SEMA7A: variants seen among roughly 807,000 people sequenced by gnomAD.
The protein encoded by SEMA7A is semaphorin 7A (JohnMiltonHagen blood group).
A neutral mutation model predicts 67.5 loss-of-function variants in SEMA7A; 21 were observed. That is an observed-to-expected ratio of 0.31 (90% CI 0.22 to 0.45). SEMA7A has a LOEUF of 0.45. Ranked by LOEUF, SEMA7A falls within the 20% of genes least tolerant of loss-of-function variation. The pLI is 1.00. For synonymous variants in SEMA7A, 364 were observed against 368.5 expected (o/e 0.99, Z 0.14); for missense variants, 774 against 908.6 (o/e 0.85, Z 1.90).
At chr15:74,416,115 C>T in intron 7 of SEMA7A, 130 bp from the exon 8 acceptor site, 2 of 946,988 alleles carry the variant, frequency 2.1e-6, no homozygotes, top group East Asian at 2.5e-5. Context: ...GGGGCCAGGA[C>T]CTGCCGGGGG....
At chr15:74,422,106 G>A (rs940618818) in intron 1 of SEMA7A, among the ~76,000 whole-genome samples, 6 of 152,028 alleles carry the variant, frequency 3.9e-5, no homozygotes, top group Admixed American at 6.6e-5. Flanking sequence ...GAATCGGGAA[G>A]GTGAGCTGAG....
At chr15:74,421,336 G>A (rs1187779544) in intron 1 of SEMA7A, among the ~76,000 whole-genome samples, 1 of 152,230 alleles carries the variant, frequency 6.6e-6, no homozygotes, top group Non-Finnish European at 1.5e-5. Context: ...GACATGAAGG[G>A]AGGGTGAGGG....
At chr15:74,417,302 G>A in intron 6 of SEMA7A, 33 bp downstream of exon 6, 3 of 1,554,424 alleles carry the variant, frequency 1.9e-6, no homozygotes, top group Non-Finnish European at 2.7e-6. Flanking sequence ...ACACCCCCTT[G>A]CCCACCCTCA....
intron 1 of SEMA7A, among the ~76,000 whole-genome samples, chr15:74,432,425 T>G (rs1185354656): frequency 6.6e-6 from 1 of 152,056 alleles, no homozygotes; most frequent in Admixed American, 6.6e-5. Flanking sequence ...AGCACCTCAT[T>G]CATGGTCCCT....
chr15:74,427,532 T>C (rs2061053364), intron 1 of SEMA7A, among the ~76,000 whole-genome samples: 1 of 152,210 alleles, frequency 6.6e-6, no homozygotes, highest in South Asian at 2.1e-4. Flanking sequence ...GGTTTCACCA[T>C]GTTGGCCAGG....
At chr15:74,427,858 G>C (rs911595784) in intron 1 of SEMA7A, among the ~76,000 whole-genome samples, 4 of 152,214 alleles carry the variant, frequency 2.6e-5, no homozygotes, top group Admixed American at 2.6e-4. Context: ...ACCTCTCCAG[G>C]AATGTGGGGG....
chr15:74,411,731 G>A lies in SEMA7A; in HGVS notation c.1423-21C>T, dbSNP rs190337982. On this transcript the variant is annotated intron_variant, in intron 11 of 13. Transcript: ENST00000261918. This position sits in a 1 kb window ranked among gnomAD's most constrained non-coding sequence, Gnocchi z 4.4. ...TTCCTCTGGAAGGACAGCAGGATTGGGTCAGGCCCGGGCCCCACCCCACAC... is the reference window on the plus strand; with the variant it reads ...TTCCTCTGGAAGGACAGCAGGATTGAGTCAGGCCCGGGCCCCACCCCACAC... 1.9e-3 allele frequency: 3,113 copies of A among 1,610,958 alleles called. 12 individuals carry two copies. Among genetic ancestry groups the A allele is most frequent in the Middle Eastern group, 4.3e-3 (26 of 6,058 alleles).
chr15:74,431,221 T>G (rs2061085887), intron 1 of SEMA7A, among the ~76,000 whole-genome samples: 1 of 152,106 alleles, frequency 6.6e-6, no homozygotes, highest in Non-Finnish European at 1.5e-5. Context: ...TGGGGGACAA[T>G]CCCTACAGCC....
rs578058509 is a variant in SEMA7A at position 74,412,675 on chromosome 15, T to A, written c.1295-663A>T. On this transcript the variant is annotated intron_variant, in intron 10 of 13. Transcript: ENST00000261918. ...ATGTTACCATCTTACATAACCACGG[T>A]ATATTTGTCACAACTAGGCAACTGA... Among the ~76,000 whole-genome samples, 3 of 152,206 alleles carry A rather than the reference T, an allele frequency of 2.0e-5. No individual in the cohort carries two copies. In the East Asian group the frequency reaches 5.8e-4, roughly 29 times the overall value.
intron 2 of SEMA7A, among the ~76,000 whole-genome samples, 200 bp downstream of exon 2, chr15:74,418,600 GT>G (rs2060972897): frequency 6.6e-6 from 1 of 152,188 alleles, no homozygotes; most frequent in South Asian, 2.1e-4. Context: ...ATTAGCTCCT[GT>G]TTTTCTCCAC....
intron 1 of SEMA7A, among the ~76,000 whole-genome samples, chr15:74,425,812 T>C (rs745781760): frequency 6.6e-6 from 1 of 152,228 alleles, no homozygotes. Flanking sequence ...AGTCGTCTCC[T>C]GGTGACTGCT....
Position 74,410,501 on chromosome 15 carries a change from G to T in SEMA7A, c.*123C>A. 7.1e-7 allele frequency: 1 copy of T among 1,406,762 alleles called. No homozygotes were observed. The highest frequency in any genetic ancestry group is 9.6e-7 in the Non-Finnish European group (1 of 1,039,754). The allele number at this position is 1,406,762 out of a possible 1,614,324, so 87.1% of individuals were successfully genotyped here. A position where few individuals can be genotyped will look rare whatever the true frequency, so the allele number is the denominator to read the frequency against. ...GTCTCCAGGCCTGGCATCCTCCACTGGGTTATTCTGTCCCCTGGAAGAAGT... is the reference window on the plus strand; with the variant it reads ...GTCTCCAGGCCTGGCATCCTCCACTTGGTTATTCTGTCCCCTGGAAGAAGT... On this transcript the variant is annotated 3_prime_UTR_variant, in exon 14 of 14. Transcript: ENST00000261918. This position sits in a 1 kb window ranked among gnomAD's most constrained non-coding sequence, Gnocchi z 7.5.
chr15:74,432,670 C>T (rs2061098475), intron 1 of SEMA7A, among the ~76,000 whole-genome samples: 1 of 152,132 alleles, frequency 6.6e-6, no homozygotes, highest in South Asian at 2.1e-4. Flanking sequence ...TGCAAACTGC[C>T]AAAGGCATCA....
intron 1 of SEMA7A, chr15:74,427,316 A>C: frequency 2.0e-6 from 2 of 985,370 alleles, no homozygotes; most frequent in Non-Finnish European, 2.4e-6. Context: ...GAGAAGCAAG[A>C]CTGGGGCAGG....
intron 10 of SEMA7A, among the ~76,000 whole-genome samples, chr15:74,412,860 A>G (rs1443094049): frequency 1.3e-5 from 2 of 152,152 alleles, no homozygotes; most frequent in Admixed American, 1.3e-4. Flanking sequence ...TCTAAAAAGG[A>G]TCTTGGATTC....
chr15:74,418,617 C>T (rs1462804511), intron 2 of SEMA7A, among the ~76,000 whole-genome samples, 184 bp downstream of exon 2: 1 of 152,186 alleles, frequency 6.6e-6, no homozygotes, highest in Non-Finnish European at 1.5e-5. Flanking sequence ...TCCACACCGC[C>T]CCAGCTCCCC....
In SEMA7A at chr15:74,417,342, G is replaced by A. The variant is rs554229203; in HGVS notation, c.654C>T (p.Val218=). The change falls in exon 6 of 14, where the codon GTC becomes GTT. Residue 218 remains valine, a synonymous_variant. Transcript: ENST00000261918. ...AGCCGGAGCCTGACTCACTCTGCATGACAGTATCACTGGTGTACAGCTCAC... is the reference window on the plus strand; with the variant it reads ...AGCCGGAGCCTGACTCACTCTGCATAACAGTATCACTGGTGTACAGCTCAC... The part of the protein sequence containing the change: ...GESELYTSDT[V]MQNPQFIKAT... The A allele has an allele frequency of 6.2e-7, 1 of 1,613,318 alleles. No individual in the cohort carries two copies. The highest frequency in any genetic ancestry group is 2.2e-5 in the East Asian group (1 of 44,882).
chr15:74,432,636 T>A (rs1477077920), intron 1 of SEMA7A, among the ~76,000 whole-genome samples: 1 of 152,088 alleles, frequency 6.6e-6, no homozygotes, highest in East Asian at 1.9e-4. Flanking sequence ...CTGCCCCAGA[T>A]AATGCTCAGA....
intron 1 of SEMA7A, among the ~76,000 whole-genome samples, chr15:74,433,398 C>T (rs971639655): frequency 6.6e-6 from 1 of 151,966 alleles, no homozygotes; most frequent in Non-Finnish European, 1.5e-5. Context: ...CGCCGAAGCC[C>T]CCGAGCCAGA....
Sources: gnomAD v4.1 joint callset for allele counts (sites outside exome capture counted in the v4.1 genomes callset) on GRCh38, gnomAD v4.1.1 for gene constraint, Gnocchi (gnomAD v3.1) non-coding constraint, MANE v1.5 for transcripts, NCBI Gene and HGNC (gene_info 2026-07-23, HGNC 2026-07-21) for gene names.